The following CA10 variants were observed in gnomAD, a reference collection of about 807,000 sequenced individuals.
The protein encoded by CA10 is carbonic anhydrase 10 (inactive), also known as carbonic anhydrase-related protein 10.
A neutral mutation model predicts 44.2 loss-of-function variants in CA10; 14 were observed. The ratio of observed to expected loss-of-function variants is 0.32; its 90% CI spans 0.21 to 0.50. CA10 has a LOEUF of 0.50. Ranked by LOEUF, CA10 falls within the 20% of genes least tolerant of loss-of-function variation. CA10 has a pLI of 0.99. For missense variants in CA10, 350 were observed against 409.7 expected, an observed-to-expected ratio of 0.85 and a Z score of 1.26; for synonymous variants, 159 against 141.6, an observed-to-expected ratio of 1.12 and a Z score of -0.87.
intron 3 of CA10, among the ~76,000 whole-genome samples, chr17:51,917,819 G>A (rs1004342002): frequency 6.6e-6 from 1 of 152,158 alleles, no homozygotes; most frequent in African/African-American, 2.4e-5. Context: ...TTCAACATGA[G>A]ATTTGGAGGG....
intron 4 of CA10, among the ~76,000 whole-genome samples, chr17:51,746,066 A>G (rs562923571): frequency 1.9e-4 from 29 of 152,316 alleles, no homozygotes; most frequent in Admixed American, 4.6e-4. Context: ...CCTTTGGCAG[A>G]CATCCCTAAT....
chr17:51,889,031 C>A (rs1980737589), intron 3 of CA10, among the ~76,000 whole-genome samples: 1 of 152,074 alleles, frequency 6.6e-6, no homozygotes, highest in Non-Finnish European at 1.5e-5. Context: ...GCTGGTGCTG[C>A]CAATCAGAAT....
intron 4 of CA10, among the ~76,000 whole-genome samples, chr17:51,709,794 C>T (rs1915874858): frequency 6.6e-6 from 1 of 152,170 alleles, no homozygotes; most frequent in Non-Finnish European, 1.5e-5. Flanking sequence ...CTTAGGTGAG[C>T]TGGTGAGCAT....
intron 3 of CA10, among the ~76,000 whole-genome samples, chr17:51,865,536 G>C (rs1444569750): frequency 1.3e-5 from 2 of 152,344 alleles, no homozygotes; most frequent in East Asian, 1.9e-4. Context: ...CCAGGCCGCA[G>C]GGCAGTGTCC....
At chr17:51,671,672 G>A (rs1432255706) in intron 4 of CA10, among the ~76,000 whole-genome samples, 2 of 152,146 alleles carry the variant, frequency 1.3e-5, no homozygotes, top group African/African-American at 4.8e-5. Flanking sequence ...CAAAAGTGCT[G>A]GGATTACAGG....
At chr17:51,747,141 G>A (rs111940989) in intron 4 of CA10, among the ~76,000 whole-genome samples, 8 of 152,172 alleles carry the variant, frequency 5.3e-5, no homozygotes, top group East Asian at 3.8e-4. Flanking sequence ...ACACAGTGAC[G>A]TTTCCATTTT....
chr17:51,809,648 G>T (rs1907278881), intron 3 of CA10, among the ~76,000 whole-genome samples: 1 of 152,144 alleles, frequency 6.6e-6, no homozygotes, highest in African/African-American at 2.4e-5. Context: ...CTCAGTAGCT[G>T]GCAAAGCTTT....
chr17:52,150,468 C>T (rs769494872), intron 1 of CA10, among the ~76,000 whole-genome samples: 3 of 152,074 alleles, frequency 2.0e-5, no homozygotes, highest in Non-Finnish European at 4.4e-5. Context: ...ATTCTGAGTA[C>T]CTGATGTATA....
At chr17:51,875,582 A>T (rs920441142) in intron 3 of CA10, among the ~76,000 whole-genome samples, 1 of 152,174 alleles carries the variant, frequency 6.6e-6, no homozygotes, top group Non-Finnish European at 1.5e-5. Flanking sequence ...ACTGCACCCC[A>T]ATCTCTGGGA....
intron 3 of CA10, among the ~76,000 whole-genome samples, chr17:51,819,898 ATTTCTCTGTCTCTGTCTGC>A (rs1907698009): frequency 2.6e-5 from 4 of 151,294 alleles, no homozygotes; most frequent in Admixed American, 2.6e-4. Flanking sequence ...CTGTTTCTCG[ATTTCTCTGTCTCTGTCTGC>A]CTGTTCCTCT....
chr17:52,017,053 G>T (rs1158379210), intron 2 of CA10, among the ~76,000 whole-genome samples: 1 of 152,132 alleles, frequency 6.6e-6, no homozygotes, highest in African/African-American at 2.4e-5. Flanking sequence ...AGAAGCAGAT[G>T]CTGGTGAGAT....
chr17:51,832,894 A>T (rs980528066), intron 3 of CA10, among the ~76,000 whole-genome samples: 1 of 152,202 alleles, frequency 6.6e-6, no homozygotes, highest in East Asian at 1.9e-4. Context: ...GAGGTAATCA[A>T]GCAGCACATC....
chr17:51,997,963 G>A (rs1175796869), intron 2 of CA10, among the ~76,000 whole-genome samples: 4 of 151,998 alleles, frequency 2.6e-5, no homozygotes, highest in Non-Finnish European at 5.9e-5. Context: ...TAACCCTAAG[G>A]TCACTTTCCT....
chr17:52,015,129 T>C (rs1410771087), intron 2 of CA10, among the ~76,000 whole-genome samples: 1 of 152,092 alleles, frequency 6.6e-6, no homozygotes, highest in Non-Finnish European at 1.5e-5. Flanking sequence ...TCCCTTCTAG[T>C]GACCAAGAAA....
chr17:51,816,374 T>C (rs1907565071), intron 3 of CA10, among the ~76,000 whole-genome samples: 2 of 152,242 alleles, frequency 1.3e-5, no homozygotes, highest in Admixed American at 6.5e-5. Context: ...CTGCAATAGA[T>C]ATGGGAGTCC....
chr17:51,818,671 T>C (rs1907659048), intron 3 of CA10, among the ~76,000 whole-genome samples: 1 of 152,180 alleles, frequency 6.6e-6, no homozygotes, highest in Non-Finnish European at 1.5e-5. Context: ...ATGTGTTCCT[T>C]TTCTTTCAGG....
chr17:52,035,344 C>T (rs1221803901), intron 2 of CA10, among the ~76,000 whole-genome samples: 1 of 133,230 alleles, frequency 7.5e-6, no homozygotes, highest in Admixed American at 8.4e-5. Context: ...GGAAGATTAC[C>T]TACCCTCTCA....
intron 1 of CA10, among the ~76,000 whole-genome samples, chr17:52,140,384 G>A (rs989320040): frequency 5.3e-5 from 8 of 152,116 alleles, no homozygotes; most frequent in Admixed American, 2.0e-4. Flanking sequence ...TTGCCCCTAC[G>A]GTGTAAATGT....
At chr17:51,914,081 C>T (rs1004577198) in intron 3 of CA10, among the ~76,000 whole-genome samples, 1 of 152,102 alleles carries the variant, frequency 6.6e-6, no homozygotes, top group African/African-American at 2.4e-5. Flanking sequence ...CTTTGAGGCT[C>T]ATGACTTTAA....
Sources: allele counts gnomAD v4.1 joint callset (sites outside exome capture counted in the v4.1 genomes callset), GRCh38; gene constraint gnomAD v4.1.1; transcripts MANE v1.5; gene names NCBI Gene and HGNC (gene_info 2026-07-23, HGNC 2026-07-21).